ROBO2: variants seen among roughly 807,000 people sequenced by gnomAD.
ROBO2 encodes roundabout guidance receptor 2, also known as roundabout homolog 2.
Under a neutral mutation model 160.8 loss-of-function variants are expected in ROBO2, and 53 were observed. That is an observed-to-expected ratio of 0.33 (90% confidence interval 0.26 to 0.41). The LOEUF is 0.41. Ranked by LOEUF, ROBO2 falls within the 10% of genes least tolerant of loss-of-function variation. The probability of loss-of-function intolerance (pLI) is 1.00; values close to 1 mark genes in which losing one functional copy is unlikely to be tolerated. For synonymous variants in ROBO2, 664 were observed against 611.7 expected (o/e 1.09, Z -1.26); for missense variants, 1,577 against 1,722.4 (o/e 0.92, Z 1.49).
intron 12 of ROBO2, 103 bp from the exon 14 acceptor site, chr3:77,568,210 C>A: frequency 7.4e-7 from 1 of 1,358,896 alleles, no homozygotes; most frequent in Non-Finnish European, 1.0e-6. Flanking sequence ...CGTTTTGTTT[C>A]CCTGTAATTA....
At chr3:76,585,931 T>C (rs757274763) in intron 2 of ROBO2, among the ~76,000 whole-genome samples, 4 of 152,198 alleles carry the variant, frequency 2.6e-5, no homozygotes, top group Admixed American at 6.5e-5. Context: ...AGTTGTCCTC[T>C]GCTAACAGAG....
intron 2 of ROBO2, among the ~76,000 whole-genome samples, chr3:77,122,143 G>A (rs1181212110): frequency 6.6e-6 from 1 of 152,142 alleles, no homozygotes; most frequent in African/African-American, 2.4e-5. Flanking sequence ...TTCTGATTAT[G>A]GGAGTTCAGG....
chr3:76,002,760 G>C (rs1259281624), intron 2 of ROBO2, among the ~76,000 whole-genome samples: 1 of 152,058 alleles, frequency 6.6e-6, no homozygotes, highest in African/African-American at 2.4e-5. Context: ...AAGACATTAG[G>C]AGAGAGACTT....
At chr3:76,441,868 A>T (rs1002588352) in intron 2 of ROBO2, among the ~76,000 whole-genome samples, 2 of 151,880 alleles carry the variant, frequency 1.3e-5, no homozygotes, top group Admixed American at 1.3e-4. Context: ...CTTAACTTTC[A>T]CTCCTTAGCA....
intron 2 of ROBO2, among the ~76,000 whole-genome samples, chr3:75,986,211 G>GTT (rs74843598): frequency 1.5e-4 from 23 of 150,038 alleles, no homozygotes; most frequent in Admixed American, 2.7e-4. Flanking sequence ...GTTATTTTCT[G>GTT]TTTTTTTTTA....
intron 2 of ROBO2, among the ~76,000 whole-genome samples, chr3:76,972,533 A>G (rs1037996006): frequency 4.6e-5 from 7 of 152,006 alleles, no homozygotes; most frequent in African/African-American, 1.7e-4. Flanking sequence ...TAGATTATAT[A>G]TATAAATATA....
intron 2 of ROBO2, among the ~76,000 whole-genome samples, chr3:76,484,166 C>G (rs967638887): frequency 4.6e-5 from 7 of 152,116 alleles, no homozygotes; most frequent in African/African-American, 1.7e-4. Flanking sequence ...GATAAACCTG[C>G]ACTTGTACGT....
At chr3:76,725,336 A>G (rs2093533516) in intron 2 of ROBO2, among the ~76,000 whole-genome samples, 2 of 152,266 alleles carry the variant, frequency 1.3e-5, no homozygotes, top group African/African-American at 2.4e-5. Context: ...ACCCACTGCC[A>G]TTGTCCTTGC....
chr3:76,629,392 G>T (rs1346622632), intron 2 of ROBO2, among the ~76,000 whole-genome samples: 7 of 151,952 alleles, frequency 4.6e-5, no homozygotes, highest in African/African-American at 1.4e-4. Context: ...ATCACAAGAT[G>T]GGGTCCCACA....
chr3:77,620,273 C>T (rs545592117), intron 22 of ROBO2, among the ~76,000 whole-genome samples: 2 of 152,220 alleles, frequency 1.3e-5, no homozygotes, highest in South Asian at 4.1e-4. Flanking sequence ...TCCCAGGCTC[C>T]ACCTCCCAGG....
At chr3:77,234,581 T>A (rs1272779177) in intron 2 of ROBO2, among the ~76,000 whole-genome samples, 1 of 152,168 alleles carries the variant, frequency 6.6e-6, no homozygotes, top group Non-Finnish European at 1.5e-5. Flanking sequence ...AAAGGGACAT[T>A]TATCCCCCAA....
chr3:76,496,654 C>A (rs1490284761), intron 2 of ROBO2, among the ~76,000 whole-genome samples: 1 of 152,150 alleles, frequency 6.6e-6, no homozygotes, highest in Non-Finnish European at 1.5e-5. Context: ...AGAGTCCTTC[C>A]CCAGTTTCTG....
At chr3:76,494,523 T>C (rs2080029233) in intron 2 of ROBO2, among the ~76,000 whole-genome samples, 1 of 152,134 alleles carries the variant, frequency 6.6e-6, no homozygotes, top group Admixed American at 6.5e-5. Context: ...TACAGAATTT[T>C]GGGGGTCTCG....
At position 76,226,161 on chromosome 3, in the gene ROBO2, C is replaced by T. The variant is rs866318713; in HGVS notation, c.109+288559C>T. 3.2e-4 allele frequency among the ~76,000 whole-genome samples: 48 copies of T among 152,242 alleles called. No individual in the cohort carries two copies. In the Middle Eastern group the frequency reaches 0.01, roughly 32 times the overall value. On this transcript the variant is annotated intron_variant, in intron 2 of 26. Transcript: ENST00000487694. ...AGAAATTCAATGAAGTCTATAAGAA[C>T]ACTAATTTTTTCTCCTTATAATATA... is the stretch of plus-strand genomic sequence containing the variant.
At chr3:76,555,012 A>G (rs1215139338) in intron 2 of ROBO2, among the ~76,000 whole-genome samples, 1 of 152,052 alleles carries the variant, frequency 6.6e-6, no homozygotes, top group Admixed American at 6.5e-5. Flanking sequence ...TCACCAGCAA[A>G]AAAAAAAGAA....
intron 2 of ROBO2, among the ~76,000 whole-genome samples, chr3:76,179,197 G>C (rs1250996621): frequency 3.3e-5 from 5 of 151,996 alleles, no homozygotes. Context: ...GAGAGCAAGT[G>C]GTGTGACAGA....
At chr3:77,323,492 A>G (rs1041608285) in intron 2 of ROBO2, among the ~76,000 whole-genome samples, 3 of 152,182 alleles carry the variant, frequency 2.0e-5, no homozygotes, top group Admixed American at 6.5e-5. Flanking sequence ...ATCAAGAAAA[A>G]GAGCTTTTCT....
intron 1 of ROBO2, among the ~76,000 whole-genome samples, chr3:77,051,871 G>A (rs995194747): frequency 2.7e-4 from 41 of 152,138 alleles, no homozygotes; most frequent in African/African-American, 8.4e-4. Context: ...GAATGAAGTC[G>A]GTTGGATTAG....
chr3:76,054,023 T>C (rs1356305952), intron 2 of ROBO2, among the ~76,000 whole-genome samples: 5 of 152,164 alleles, frequency 3.3e-5, no homozygotes, highest in Non-Finnish European at 7.4e-5. Context: ...TGGAACTAAA[T>C]TGACCAAAGA....
Sources: allele counts gnomAD v4.1 joint callset (sites outside exome capture counted in the v4.1 genomes callset), GRCh38; gene constraint gnomAD v4.1.1; transcripts MANE v1.5; gene names NCBI Gene and HGNC (gene_info 2026-07-23, HGNC 2026-07-21).